Variants in CHEK2 observed in about 807,000 individuals in gnomAD.
The protein encoded by CHEK2 is serine/threonine-protein kinase Chk2.
CHEK2 carries 71 observed loss-of-function variants against 69.1 expected under a neutral mutation model. The observed-to-expected ratio is 1.03, with a 90% CI of 0.85 to 1.25. The LOEUF is 1.25. CHEK2 is among the 50% of genes most tolerant of loss of function. The probability of loss-of-function intolerance (pLI) is 0.00; values close to 1 mark genes in which losing one functional copy is unlikely to be tolerated. For missense variants in CHEK2, 664 were observed against 649.6 expected (o/e 1.02, Z -0.24); for synonymous variants, 189 against 226.9 (o/e 0.83, Z 1.50).
intron 4 of CHEK2, among the ~76,000 whole-genome samples, chr22:28,723,708 C>T (rs1387942880): frequency 6.6e-6 from 1 of 151,664 alleles, no homozygotes; most frequent in Non-Finnish European, 1.5e-5. Context: ...CTTTGGGAGG[C>T]CAAGGCAGGC....
intron 4 of CHEK2, among the ~76,000 whole-genome samples, chr22:28,723,134 A>C (rs951128544): frequency 6.6e-6 from 1 of 152,148 alleles, no homozygotes; most frequent in African/African-American, 2.4e-5. Flanking sequence ...ACAGTTGTTC[A>C]TTTTAGATGT....
rs189990134 is a variant in CHEK2, at chr22:28,689,654, A to G, written c.1462-439T>C. On this transcript the variant is annotated intron_variant, in intron 13 of 14. Coordinates refer to ENST00000404276, the MANE Select transcript of CHEK2 (RefSeq NM_007194.4). ...CCCAGACTGTCCTAACAACCAGCCCAGCACCCTAGGAAAATTCACCCAGCA... is the reference window on the plus strand; with the variant it reads ...CCCAGACTGTCCTAACAACCAGCCCGGCACCCTAGGAAAATTCACCCAGCA... 1.6e-4 allele frequency among the ~76,000 whole-genome samples: 25 copies of G among 152,310 alleles called. No homozygotes were observed. The East Asian group carries it at 4.8e-3, about 29-fold the overall frequency.
At chr22:28,699,489 C>T (rs139696271) in intron 9 of CHEK2, among the ~76,000 whole-genome samples, 3,255 of 151,574 alleles carry the variant, frequency 0.021, 43 homozygotes, top group Non-Finnish European at 0.027. Context: ...CTCAGCCTCC[C>T]GAGTAGCTGG....
intron 4 of CHEK2, chr22:28,721,650 T>C (rs889923448): frequency 2.2e-6 from 1 of 458,840 alleles, no homozygotes; most frequent in African/African-American, 2.0e-5. Flanking sequence ...AAAAAAAAGA[T>C]AAATATGTGA....
At chr22:28,717,154 G>A (rs954609421) in intron 5 of CHEK2, among the ~76,000 whole-genome samples, 5 of 151,454 alleles carry the variant, frequency 3.3e-5, no homozygotes, top group East Asian at 2.0e-4. Flanking sequence ...CGAGGCAGGC[G>A]GATCATGAGG....
intron 13 of CHEK2, among the ~76,000 whole-genome samples, 154 bp downstream of exon 13, chr22:28,693,878 G>C (rs1365542694): frequency 6.6e-6 from 1 of 151,888 alleles, no homozygotes; most frequent in Non-Finnish European, 1.5e-5. Context: ...AATAAAACAG[G>C]TTGTAACCCA....
intron 1 of CHEK2, among the ~76,000 whole-genome samples, chr22:28,740,368 C>T (rs1318452178): frequency 6.6e-6 from 1 of 152,184 alleles, no homozygotes; most frequent in East Asian, 1.9e-4. Context: ...CCAGTATCCG[C>T]CATCAAAGGC....
chr22:28,731,253 CTG>C (rs1190674756), intron 2 of CHEK2, among the ~76,000 whole-genome samples: 1 of 151,858 alleles, frequency 6.6e-6, no homozygotes, highest in Non-Finnish European at 1.5e-5. Context: ...GGAATTAAAA[CTG>C]TAAAATTTTA....
chr22:28,691,486 GAAAT>G (rs541631272), intron 13 of CHEK2, among the ~76,000 whole-genome samples: 64 of 152,382 alleles, frequency 4.2e-4, no homozygotes, highest in African/African-American at 1.5e-3. Flanking sequence ...CTCAAAAAAG[GAAAT>G]AAATAAATAA....
At chr22:28,715,397 T>TTTTATGTA (rs1555922850) in intron 5 of CHEK2, among the ~76,000 whole-genome samples, 4 of 148,956 alleles carry the variant, frequency 2.7e-5, no homozygotes, top group African/African-American at 7.4e-5. Flanking sequence ...TTATTTTTAT[T>TTTTATGTA]TTTATTTATT....
At chr22:28,708,361 A>ATGTGTGTGTGTG (rs200869651) in intron 7 of CHEK2, among the ~76,000 whole-genome samples, 4,606 of 104,164 alleles carry the variant, frequency 0.044, 123 homozygotes, top group Middle Eastern at 0.078. Context: ...GTCTCTAAAA[A>ATGTGTGTGTGTG]TATGTGTGTG....
intron 2 of CHEK2, among the ~76,000 whole-genome samples, chr22:28,728,864 G>T: frequency 6.6e-6 from 1 of 152,070 alleles, no homozygotes; most frequent in East Asian, 1.9e-4. Flanking sequence ...CATGCCTGAG[G>T]TCCCAGCTAC....
chr22:28,723,602 A>G lies in CHEK2; in HGVS notation c.592+1375T>C, dbSNP rs544323276. Among the ~76,000 whole-genome samples, 128 of 81,700 alleles carry G rather than the reference A, an allele frequency of 1.6e-3. 7 individuals carry two copies. In the East Asian group the frequency reaches 0.061, roughly 39 times the overall value. The allele number at this position is 81,700 out of a possible 152,430, so 53.6% of individuals were successfully genotyped here. The stretch of plus-strand genomic sequence containing the variant: ...GACAGAGCAAGGCTCCGTCACAAGG[A>G]AAAAAAAAGAAAAAAAAAAAAAAGG... On this transcript the variant is annotated intron_variant, in intron 4 of 14. Coordinates refer to ENST00000404276, the MANE Select transcript of CHEK2 (RefSeq NM_007194.4).
Position 28,725,044 on chromosome 22 carries a change from T to TA in CHEK2, c.524dup (p.Gly176ArgfsTer10), listed in dbSNP as rs587780184. 1.2e-6 allele frequency: 2 copies of TA among 1,614,138 alleles called. No homozygotes were observed. Among genetic ancestry groups the TA allele is most frequent in the African/African-American group, 1.3e-5 (1 of 75,070 alleles). On this transcript the variant is annotated frameshift_variant, in exon 4 of 15. Transcript: ENST00000404276. LOFTEE classifies it high-confidence loss of function. ...TCAAAGGACGGCGTTTTCCTTTCCC[T>TA]ACAAGCTCTGTATTTACAAAGGTTC...
chr22:28,702,123 G>GTGTGTGTGTGCC (rs2052882746), intron 8 of CHEK2, among the ~76,000 whole-genome samples: 1 of 113,592 alleles, frequency 8.8e-6, no homozygotes, highest in South Asian at 3.1e-4. Flanking sequence ...GGCTAATTTT[G>GTGTGTGTGTGCC]TGTGTGTGTG....
At chr22:28,737,226 T>G in intron 1 of CHEK2, 1 of 460,028 alleles carries the variant, frequency 2.2e-6, no homozygotes, top group Non-Finnish European at 4.4e-6. Flanking sequence ...TTTTTCCTTC[T>G]TCACAATTTC....
chr22:28,699,651 CG>C, intron 9 of CHEK2, 186 bp downstream of exon 9: 1 of 608,072 alleles, frequency 1.6e-6, no homozygotes, highest in Non-Finnish European at 2.9e-6. Context: ...CATGAACCAC[CG>C]CGCCTCGCCA....
chr22:28,728,558 C>G (rs1207735060), intron 2 of CHEK2, among the ~76,000 whole-genome samples: 1 of 151,986 alleles, frequency 6.6e-6, no homozygotes, highest in Non-Finnish European at 1.5e-5. Context: ...AAAATTTAGC[C>G]AGGTGTGGTG....
chr22:28,727,367 T>C (rs2054050696), intron 2 of CHEK2, among the ~76,000 whole-genome samples: 1 of 152,174 alleles, frequency 6.6e-6, no homozygotes, highest in Non-Finnish European at 1.5e-5. Context: ...ATATAAACAT[T>C]ACTCACCTGT....
Sources: gnomAD v4.1 joint callset for allele counts (sites outside exome capture counted in the v4.1 genomes callset) on GRCh38, gnomAD v4.1.1 for gene constraint, MANE v1.5 for transcripts, NCBI Gene and HGNC (gene_info 2026-07-23, HGNC 2026-07-21) for gene names.